GALNTL6: variants seen among roughly 807,000 people sequenced by gnomAD.
GALNTL6 encodes the protein polypeptide N-acetylgalactosaminyltransferase like 6.
A neutral mutation model predicts 73.7 loss-of-function variants in GALNTL6; 46 were observed. The ratio of observed to expected loss-of-function variants is 0.62; its 90% CI spans 0.49 to 0.80. The LOEUF (loss-of-function observed/expected upper bound fraction) is 0.80, where lower values mean the gene tolerates loss of function less well. Among genes scored for constraint, GALNTL6 ranks in the 30% least tolerant of loss-of-function variants. GALNTL6 has a pLI of 0.00. For synonymous variants in GALNTL6, 259 were observed against 263.7 expected (o/e 0.98, Z 0.17); for missense variants, 604 against 755.0 (o/e 0.80, Z 2.34).
intron 5 of GALNTL6, among the ~76,000 whole-genome samples, chr4:172,500,938 C>T (rs190698825): frequency 6.6e-6 from 1 of 152,224 alleles, no homozygotes; most frequent in African/African-American, 2.4e-5. Flanking sequence ...AGTAAGTTCC[C>T]TATGTTTCAC....
intron 2 of GALNTL6, among the ~76,000 whole-genome samples, chr4:172,146,392 A>C (rs1733928726): frequency 6.6e-6 from 1 of 152,052 alleles, no homozygotes; most frequent in African/African-American, 2.4e-5. Flanking sequence ...AGGCAAAAAC[A>C]AAAAAATCAC....
chr4:173,019,291 CTGGA>C (rs1366698861), intron 11 of GALNTL6, among the ~76,000 whole-genome samples: 1 of 152,152 alleles, frequency 6.6e-6, no homozygotes, highest in Admixed American at 6.5e-5. Flanking sequence ...CTGCAAGGAA[CTGGA>C]CATAAGATGG....
intron 5 of GALNTL6, among the ~76,000 whole-genome samples, chr4:172,769,974 G>A (rs1738666702): frequency 6.6e-6 from 1 of 152,068 alleles, no homozygotes; most frequent in Admixed American, 6.6e-5. Context: ...AAACAAATGA[G>A]CTTTTATAGC....
intron 5 of GALNTL6, among the ~76,000 whole-genome samples, chr4:172,768,781 C>T (rs1398352698): frequency 6.6e-6 from 1 of 152,136 alleles, no homozygotes; most frequent in Non-Finnish European, 1.5e-5. Flanking sequence ...TCTTAGCCAA[C>T]TTGACCTACA....
At chr4:171,908,368 T>C (rs940381351) in intron 2 of GALNTL6, among the ~76,000 whole-genome samples, 197 of 152,188 alleles carry the variant, frequency 1.3e-3, no homozygotes, top group Middle Eastern at 3.4e-3. Flanking sequence ...AAAGAAGACA[T>C]TTATGCAGCC....
chr4:171,915,533 A>G (rs1737592522), intron 2 of GALNTL6, among the ~76,000 whole-genome samples: 2 of 152,076 alleles, frequency 1.3e-5, no homozygotes, highest in Non-Finnish European at 2.9e-5. Context: ...AATCATCACA[A>G]TGAAAACTGA....
intron 2 of GALNTL6, among the ~76,000 whole-genome samples, chr4:171,897,668 C>T (rs1011005370): frequency 9.2e-5 from 14 of 151,360 alleles, no homozygotes; most frequent in African/African-American, 3.1e-4. Flanking sequence ...TTTCTTTTTT[C>T]GAGACGGAGT....
chr4:172,956,633 A>T (rs1318964091), intron 10 of GALNTL6, among the ~76,000 whole-genome samples: 1 of 152,182 alleles, frequency 6.6e-6, no homozygotes, highest in East Asian at 1.9e-4. Context: ...GCACAGTCCA[A>T]GTTGGTCTGG....
Position 173,021,720 on chromosome 4 carries a change from G to A in GALNTL6, c.1638+95G>A, listed in dbSNP as rs558249198. 1.6e-4 allele frequency: 216 copies of A among 1,313,146 alleles called. 1 individual carries two copies. In the South Asian group the frequency reaches 1.8e-3, roughly 11 times the overall value. 81.3% of individuals were successfully genotyped at this position (1,313,146 alleles called of 1,614,324 possible). On this transcript the variant is annotated intron_variant, in intron 12 of 12. Coordinates refer to ENST00000506823, the MANE Select transcript of GALNTL6 (RefSeq NM_001034845.3). ...GAAAACACACCGTTTTAGGCCTGGC[G>A]CAGTCACTCACACCTGTAATCCTGG...
At chr4:172,404,026 T>A (rs2111329380) in intron 5 of GALNTL6, among the ~76,000 whole-genome samples, 1 of 152,084 alleles carries the variant, frequency 6.6e-6, no homozygotes, top group Middle Eastern at 3.4e-3. Flanking sequence ...TACAAATTTA[T>A]TGCCTGCACA....
chr4:172,097,317 G>A (rs1401277343), intron 2 of GALNTL6, among the ~76,000 whole-genome samples: 1 of 152,112 alleles, frequency 6.6e-6, no homozygotes, highest in African/African-American at 2.4e-5. Context: ...CCTCCTAGGG[G>A]CTTTTCATAT....
chr4:172,364,534 T>A (rs1055971309), intron 5 of GALNTL6, among the ~76,000 whole-genome samples: 1 of 152,188 alleles, frequency 6.6e-6, no homozygotes, highest in Non-Finnish European at 1.5e-5. Flanking sequence ...GAAAAACCCT[T>A]TGATCACTGG....
At position 171,866,350 on chromosome 4, in the gene GALNTL6, T is replaced by G. The variant is rs566103172; in HGVS notation, c.138+51632T>G. On this transcript the variant is annotated intron_variant, in intron 2 of 12. Coordinates refer to ENST00000506823, the MANE Select transcript of GALNTL6 (RefSeq NM_001034845.3). ...CTTACTTTTATATGATGATATCATTTCCAATTAGAGTCAATATTACAGTGA... is the reference window on the plus strand; with the variant it reads ...CTTACTTTTATATGATGATATCATTGCCAATTAGAGTCAATATTACAGTGA... 5.3e-5 allele frequency among the ~76,000 whole-genome samples: 8 copies of G among 152,264 alleles called. 1 individual carries two copies. The South Asian group carries it at 1.5e-3, about 28-fold the overall frequency.
chr4:172,685,102 G>A (rs1732841558), intron 5 of GALNTL6, among the ~76,000 whole-genome samples: 1 of 152,064 alleles, frequency 6.6e-6, no homozygotes, highest in African/African-American at 2.4e-5. Context: ...TTTCAGATAT[G>A]TAGAGGAAAA....
chr4:172,330,374 CACTT>C (rs1420377900), intron 4 of GALNTL6, among the ~76,000 whole-genome samples: 1 of 152,200 alleles, frequency 6.6e-6, no homozygotes, highest in Admixed American at 6.5e-5. Flanking sequence ...GCTGCTAACT[CACTT>C]ATCACTTCCC....
intron 5 of GALNTL6, among the ~76,000 whole-genome samples, chr4:172,784,538 T>C (rs773143198): frequency 6.6e-6 from 1 of 152,150 alleles, no homozygotes; most frequent in Non-Finnish European, 1.5e-5. Context: ...CAGGGCAATA[T>C]ACCTTCTGAA....
chr4:172,864,800 C>G (rs1269155148), intron 7 of GALNTL6, among the ~76,000 whole-genome samples: 2 of 152,074 alleles, frequency 1.3e-5, no homozygotes, highest in African/African-American at 4.8e-5. Flanking sequence ...TTGACATGGT[C>G]TTTGATGTTC....
chr4:172,479,423 T>C (rs918758441), intron 5 of GALNTL6, among the ~76,000 whole-genome samples: 5 of 152,158 alleles, frequency 3.3e-5, no homozygotes, highest in Non-Finnish European at 7.3e-5. Context: ...TGCAGCAACT[T>C]GGATGGAAAT....
At chr4:172,486,807 C>G (rs538142949) in intron 5 of GALNTL6, among the ~76,000 whole-genome samples, 1 of 152,306 alleles carries the variant, frequency 6.6e-6, no homozygotes, top group East Asian at 1.9e-4. Context: ...CCAAAATTCC[C>G]TCTCACAACC....
Sources: gnomAD v4.1 joint callset for allele counts (sites outside exome capture counted in the v4.1 genomes callset) on GRCh38, gnomAD v4.1.1 for gene constraint, MANE v1.5 for transcripts, NCBI Gene and HGNC (gene_info 2026-07-23, HGNC 2026-07-21) for gene names.